AFF3: variants seen among roughly 807,000 people sequenced by gnomAD.
The protein encoded by AFF3 is ALF transcription elongation factor 3, also known as AF4/FMR2 family member 3.
A neutral mutation model predicts 129.7 loss-of-function variants in AFF3; 32 were observed. That is an observed-to-expected ratio of 0.25 (90% confidence interval 0.19 to 0.33). The LOEUF is 0.33. Among genes scored for constraint, AFF3 ranks in the 10% least tolerant of loss-of-function variants. The pLI, the probability that AFF3 is intolerant of heterozygous loss-of-function variation, is 1.00. For missense variants in AFF3, 1,373 were observed against 1,592.0 expected (o/e 0.86, Z 2.34); for synonymous variants, 644 against 635.4 (o/e 1.01, Z -0.20).
intron 11 of AFF3, among the ~76,000 whole-genome samples, chr2:99,685,529 G>A (rs930550021): frequency 2.6e-5 from 4 of 152,136 alleles, no homozygotes; most frequent in Non-Finnish European, 5.9e-5. Context: ...CCTTAAGAAA[G>A]GTTCAGCATT....
At chr2:99,787,858 A>G (rs1366856182) in intron 8 of AFF3, among the ~76,000 whole-genome samples, 8 of 152,176 alleles carry the variant, frequency 5.3e-5, no homozygotes, top group Admixed American at 5.2e-4. Context: ...AACGCCTCCT[A>G]AAGTTGTTAT....
intron 7 of AFF3, among the ~76,000 whole-genome samples, chr2:99,916,852 T>C (rs901832954): frequency 6.6e-6 from 1 of 152,080 alleles, no homozygotes; most frequent in Non-Finnish European, 1.5e-5. Context: ...CTCATCCTCA[T>C]GAGGCCACAA....
chr2:99,940,975 C>T (rs973641184), intron 7 of AFF3, among the ~76,000 whole-genome samples: 3 of 152,164 alleles, frequency 2.0e-5, no homozygotes, highest in Non-Finnish European at 4.4e-5. Flanking sequence ...CGGCTCCCAC[C>T]TGTCTGGTGC....
chr2:100,090,604 A>G (rs1248256733), intron 4 of AFF3, among the ~76,000 whole-genome samples: 1 of 152,184 alleles, frequency 6.6e-6, no homozygotes, highest in Admixed American at 6.5e-5. Context: ...GTTCAAAATA[A>G]ATCTCAAGAT....
chr2:100,018,923 A>G (rs1474976735), intron 4 of AFF3, among the ~76,000 whole-genome samples: 1 of 152,160 alleles, frequency 6.6e-6, no homozygotes, highest in Non-Finnish European at 1.5e-5. Context: ...ATGCTCAGTT[A>G]AATTTCATTT....
intron 7 of AFF3, among the ~76,000 whole-genome samples, chr2:99,862,995 A>T (rs567818190): frequency 1.2e-4 from 18 of 152,394 alleles, no homozygotes; most frequent in Admixed American, 3.9e-4. Flanking sequence ...TTTTAGAAGA[A>T]ACACTCAATC....
intron 8 of AFF3, among the ~76,000 whole-genome samples, chr2:99,791,874 G>A (rs1180508502): frequency 6.7e-6 from 1 of 149,098 alleles, no homozygotes; most frequent in East Asian, 1.9e-4. Context: ...CCCAGGCATC[G>A]TGCTCAGTGC....
At chr2:99,797,578 A>C (rs966811526) in intron 8 of AFF3, among the ~76,000 whole-genome samples, 16 of 152,150 alleles carry the variant, frequency 1.1e-4, no homozygotes, top group African/African-American at 3.9e-4. Context: ...TAAGAGACTC[A>C]GTTATGATAG....
chr2:99,929,679 T>C (rs1245404545), intron 7 of AFF3, among the ~76,000 whole-genome samples: 2 of 152,174 alleles, frequency 1.3e-5, no homozygotes, highest in Admixed American at 6.5e-5. Context: ...CTTCACTTGA[T>C]TTAGACTCCA....
chr2:99,948,527 G>C (rs1675848125), intron 7 of AFF3, among the ~76,000 whole-genome samples: 1 of 152,222 alleles, frequency 6.6e-6, no homozygotes, highest in African/African-American at 2.4e-5. Context: ...GAAACTCAAA[G>C]GAGGAAGGAT....
chr2:99,776,457 C>T (rs1331172192), intron 8 of AFF3, among the ~76,000 whole-genome samples: 1 of 152,174 alleles, frequency 6.6e-6, no homozygotes, highest in African/African-American at 2.4e-5. Context: ...TATTTAGCAA[C>T]ACTGAAGAAT....
intron 8 of AFF3, among the ~76,000 whole-genome samples, chr2:99,781,723 A>C (rs1684422542): frequency 6.6e-6 from 1 of 152,230 alleles, no homozygotes; most frequent in African/African-American, 2.4e-5. Context: ...CAGTAGAGGC[A>C]CCAAACACAT....
At chr2:99,560,045 G>C (rs1675328642) in intron 21 of AFF3, among the ~76,000 whole-genome samples, 1 of 152,246 alleles carries the variant, frequency 6.6e-6, no homozygotes, top group African/African-American at 2.4e-5. Context: ...CAGATCACTT[G>C]AGGTCAGGAG....
intron 11 of AFF3, among the ~76,000 whole-genome samples, chr2:99,698,519 C>T (rs1278958350): frequency 1.3e-5 from 2 of 152,220 alleles, no homozygotes; most frequent in Non-Finnish European, 2.9e-5. Flanking sequence ...GGGAATCTGG[C>T]ATTCTTGGGC....
At chr2:99,772,411 C>G (rs990117555) in intron 8 of AFF3, among the ~76,000 whole-genome samples, 1 of 152,182 alleles carries the variant, frequency 6.6e-6, no homozygotes, top group South Asian at 2.1e-4. Flanking sequence ...AATGTACACA[C>G]AAATACATGT....
chr2:100,126,181 C>T (rs1203911672), intron 2 of AFF3, among the ~76,000 whole-genome samples: 1 of 152,204 alleles, frequency 6.6e-6, no homozygotes. Context: ...GCTGGATTTT[C>T]TCCTCACCAA....
chr2:99,949,504 T>C (rs999550116), intron 7 of AFF3, among the ~76,000 whole-genome samples: 1 of 152,094 alleles, frequency 6.6e-6, no homozygotes, highest in Non-Finnish European at 1.5e-5. Context: ...GAAATAATTA[T>C]ACAACTCACC....
chr2:100,105,219 T>C (rs987384871), intron 3 of AFF3: 187 of 860,714 alleles, frequency 2.2e-4, no homozygotes, highest in Non-Finnish European at 2.7e-4. Context: ...AGAATCCACT[T>C]GACCCTGCTG....
At chr2:100,049,620 C>G (rs6733895) in intron 4 of AFF3, among the ~76,000 whole-genome samples, 80,066 of 152,006 alleles carry the variant, frequency 0.53, 21,658 homozygotes, top group African/African-American at 0.64. Flanking sequence ...GTAGTGACCT[C>G]AAAGAGTCTT....
Sources: gnomAD v4.1 joint callset for allele counts (sites outside exome capture counted in the v4.1 genomes callset) on GRCh38, gnomAD v4.1.1 for gene constraint, MANE v1.5 for transcripts, NCBI Gene and HGNC (gene_info 2026-07-23, HGNC 2026-07-21) for gene names.